The following PLCH1 variants were observed in gnomAD, a reference collection of about 807,000 sequenced individuals.
The protein encoded by PLCH1 is phospholipase C eta 1, also known as 1-phosphatidylinositol 4,5-bisphosphate phosphodiesterase eta-1.
A neutral mutation model predicts 126.7 loss-of-function variants in PLCH1; 60 were observed. That is an observed-to-expected ratio of 0.47 (90% confidence interval 0.38 to 0.59). PLCH1 has a LOEUF of 0.59. PLCH1 is among the 20% of genes least tolerant of loss of function. The pLI is 0.00. For synonymous variants in PLCH1, 719 were observed against 734.9 expected (o/e 0.98, Z 0.35); for missense variants, 1,723 against 2,040.0 (o/e 0.84, Z 2.99).
intron 10 of PLCH1, among the ~76,000 whole-genome samples, chr3:155,537,897 A>G (rs966292025): frequency 6.6e-6 from 1 of 152,186 alleles, no homozygotes; most frequent in African/African-American, 2.4e-5. Flanking sequence ...GAACAAATAG[A>G]CTTAGCAGAT....
intron 11 of PLCH1, among the ~76,000 whole-genome samples, chr3:155,516,605 A>G (rs1247976358): frequency 1.3e-5 from 2 of 152,118 alleles, no homozygotes; most frequent in African/African-American, 4.8e-5. Flanking sequence ...AACAGTATTA[A>G]TCTGGCAGCG....
At chr3:155,466,941 T>C (rs544951608) in intron 21 of PLCH1, among the ~76,000 whole-genome samples, 1 of 152,154 alleles carries the variant, frequency 6.6e-6, no homozygotes, top group South Asian at 2.1e-4. Context: ...TTTGAAAATA[T>C]ATAGTCAGAG....
rs542815497 is a variant in PLCH1 at position 155,536,502 on chromosome 3, A to G, written c.1363-12498T>C. ...AAAACAATCACAACTTCTAAAAATA[A>G]AAGATACTCTTAGAGAAATGCAAAA... is the stretch of plus-strand genomic sequence containing the variant. On this transcript the variant is annotated intron_variant, in intron 10 of 22. Transcript: ENST00000460012. Among the ~76,000 whole-genome samples, 9 of 152,312 alleles carry G rather than the reference A, an allele frequency of 5.9e-5. 1 individual carries two copies. The South Asian group carries it at 1.7e-3, about 28-fold the overall frequency.
At chr3:155,647,239 G>A (rs151331767) in intron 2 of PLCH1, among the ~76,000 whole-genome samples, 1 of 152,064 alleles carries the variant, frequency 6.6e-6, no homozygotes, top group Non-Finnish European at 1.5e-5. Context: ...CTTAACCTGA[G>A]AGTCAATAAG....
chr3:155,625,501 AAG>A, intron 2 of PLCH1, among the ~76,000 whole-genome samples: 1 of 151,814 alleles, frequency 6.6e-6, no homozygotes, highest in East Asian at 1.9e-4. Flanking sequence ...CCATCTGACA[AAG>A]AATCTACAAA....
At chr3:155,706,343 C>T (rs1746667944) in intron 1 of PLCH1, among the ~76,000 whole-genome samples, 1 of 150,972 alleles carries the variant, frequency 6.6e-6, no homozygotes, top group Non-Finnish European at 1.5e-5. Context: ...AAAATTAGGC[C>T]AGGTGCGGTG....
chr3:155,710,479 C>G (rs1747023466), intron 1 of PLCH1, among the ~76,000 whole-genome samples: 1 of 152,012 alleles, frequency 6.6e-6, no homozygotes. Context: ...TACAATGATT[C>G]AAAACATAAT....
At chr3:155,604,398 A>C (rs890218975) in intron 2 of PLCH1, among the ~76,000 whole-genome samples, 1 of 152,198 alleles carries the variant, frequency 6.6e-6, no homozygotes, top group Non-Finnish European at 1.5e-5. Flanking sequence ...TCATTGCCTA[A>C]ATCATTCCTG....
chr3:155,621,632 C>A (rs7433135), intron 2 of PLCH1, among the ~76,000 whole-genome samples: 5 of 151,990 alleles, frequency 3.3e-5, no homozygotes, highest in South Asian at 2.1e-4. Context: ...TATCAATAGC[C>A]GAATCGATAA....
chr3:155,481,155 C>T lies in PLCH1; in HGVS notation c.4871G>A (p.Gly1624Asp). 1.2e-6 allele frequency: 2 copies of T among 1,614,206 alleles called. No individual in the cohort carries two copies. Among genetic ancestry groups the T allele is most frequent in the Non-Finnish European group, 1.7e-6 (2 of 1,180,026 alleles). ...PTPAVNRHSTGSYIAGYLKNT... is the reference protein window; with the variant it reads ...PTPAVNRHSTDSYIAGYLKNT... ...CTTCAGGTAGCCTGCGATGTAGGAGCCGGTGGAGTGGCGATTCACTGCAGG... is the reference window on the plus strand; with the variant it reads ...CTTCAGGTAGCCTGCGATGTAGGAGTCGGTGGAGTGGCGATTCACTGCAGG... Residue 1624 changes from glycine to aspartate, a missense_variant, in exon 23 of 23, where the codon GGC becomes GAC. By Grantham distance (94) the Gly-to-Asp change is moderately conservative. Around this residue, in one of 2 missense-constraint regions of PLCH1, gnomAD observed 947 missense variants for 977.1 expected, o/e 0.97. Transcript: ENST00000460012. The surrounding 1 kb of genome is among the most constrained non-coding windows in gnomAD (Gnocchi z 4.2).
intron 10 of PLCH1, among the ~76,000 whole-genome samples, chr3:155,528,312 G>A (rs1722237516): frequency 6.6e-6 from 1 of 150,814 alleles, no homozygotes; most frequent in African/African-American, 2.4e-5. Context: ...ATTTATTTCT[G>A]TATATTATTT....
intron 2 of PLCH1, among the ~76,000 whole-genome samples, chr3:155,622,404 C>G (rs1487239884): frequency 6.6e-6 from 1 of 152,200 alleles, no homozygotes; most frequent in African/African-American, 2.4e-5. Flanking sequence ...CAAATTCACA[C>G]ATAACAATAT....
chr3:155,473,239 T>C (rs1244506944), intron 21 of PLCH1, among the ~76,000 whole-genome samples: 1 of 150,996 alleles, frequency 6.6e-6, no homozygotes, highest in Non-Finnish European at 1.5e-5. Flanking sequence ...AGTCTCAGGA[T>C]ACAAAATCAA....
chr3:155,623,191 T>C (rs1002778405), intron 2 of PLCH1, among the ~76,000 whole-genome samples: 5 of 151,542 alleles, frequency 3.3e-5, no homozygotes, highest in African/African-American at 1.2e-4. Context: ...AAAATAAATA[T>C]GTTCTTTGAA....
intron 1 of PLCH1, among the ~76,000 whole-genome samples, chr3:155,707,411 G>T (rs1049555148): frequency 6.6e-6 from 1 of 152,108 alleles, no homozygotes; most frequent in African/African-American, 2.4e-5. Flanking sequence ...AGACAAGGCC[G>T]GGCACAGTGG....
At chr3:155,519,738 T>C (rs1462059819) in intron 11 of PLCH1, among the ~76,000 whole-genome samples, 2 of 147,458 alleles carry the variant, frequency 1.4e-5, no homozygotes, top group Non-Finnish European at 3.0e-5. Flanking sequence ...TGAGGAACTT[T>C]GCATTAAAAA....
intron 21 of PLCH1, among the ~76,000 whole-genome samples, chr3:155,469,824 C>T (rs990516188): frequency 5.3e-5 from 8 of 152,090 alleles, no homozygotes; most frequent in African/African-American, 1.9e-4. Flanking sequence ...ACACTGACAC[C>T]TCACACGGCA....
chr3:155,729,375 C>T (rs963399709), intron 1 of PLCH1, among the ~76,000 whole-genome samples: 1 of 152,218 alleles, frequency 6.6e-6, no homozygotes, highest in African/African-American at 2.4e-5. Context: ...CTTTCAACCA[C>T]ACAGCAGGGT....
chr3:155,716,680 C>T (rs1747535566), intron 1 of PLCH1, among the ~76,000 whole-genome samples: 1 of 152,164 alleles, frequency 6.6e-6, no homozygotes, highest in African/African-American at 2.4e-5. Context: ...ACCATGTCAT[C>T]CTTCCCCATG....
Sources: allele counts gnomAD v4.1 joint callset (sites outside exome capture counted in the v4.1 genomes callset), GRCh38; gene constraint gnomAD v4.1.1; regional missense constraint gnomAD v4.1.1; non-coding constraint Gnocchi (gnomAD v3.1); transcripts MANE v1.5; gene names NCBI Gene and HGNC (gene_info 2026-07-23, HGNC 2026-07-21).